The following SUSD1 variants were observed in gnomAD, a reference collection of about 807,000 sequenced individuals.
SUSD1 encodes sushi domain-containing protein 1.
SUSD1 carries 65 observed loss-of-function variants against 86.9 expected under a neutral mutation model. The ratio of observed to expected loss-of-function variants is 0.75; its 90% confidence interval spans 0.61 to 0.92. SUSD1 has a LOEUF of 0.92. Ranked by LOEUF, SUSD1 falls within the 40% of genes least tolerant of loss-of-function variation. The pLI, the probability that SUSD1 is intolerant of heterozygous loss-of-function variation, is 0.00. For synonymous variants in SUSD1, 346 were observed against 350.0 expected, an observed-to-expected ratio of 0.99 and a Z score of 0.13; for missense variants, 850 against 929.7, an observed-to-expected ratio of 0.91 and a Z score of 1.11.
chr9:112,165,832 GAGAA>G (rs1332151451), intron 1 of SUSD1, among the ~76,000 whole-genome samples: 54 of 133,764 alleles, frequency 4.0e-4, no homozygotes, highest in Admixed American at 1.1e-3. Flanking sequence ...AAGAAAGAAA[GAGAA>G]AGAAAGAAAG....
At chr9:112,093,476 C>T (rs1194926650) in intron 10 of SUSD1, among the ~76,000 whole-genome samples, 1 of 152,164 alleles carries the variant, frequency 6.6e-6, no homozygotes, top group Non-Finnish European at 1.5e-5. Flanking sequence ...GGGTCCCTTA[C>T]AGACCCAACT....
intron 8 of SUSD1, among the ~76,000 whole-genome samples, chr9:112,108,187 A>G (rs974511831): frequency 6.6e-6 from 1 of 152,232 alleles, no homozygotes; most frequent in Non-Finnish European, 1.5e-5. Context: ...GGTAAAGAGA[A>G]CACATATTAA....
chr9:112,170,962 C>G (rs530746215), intron 1 of SUSD1, among the ~76,000 whole-genome samples: 2 of 152,268 alleles, frequency 1.3e-5, no homozygotes, highest in African/African-American at 4.8e-5. Flanking sequence ...ATCCACCCAC[C>G]TCGGCTTCCC....
chr9:112,085,853 A>T (rs1829952308), intron 10 of SUSD1, among the ~76,000 whole-genome samples: 1 of 152,212 alleles, frequency 6.6e-6, no homozygotes, highest in South Asian at 2.1e-4. Flanking sequence ...CAGCAAGAAG[A>T]TCAAATAAAA....
chr9:112,051,700 G>A (rs1386324903), intron 15 of SUSD1, among the ~76,000 whole-genome samples: 1 of 151,946 alleles, frequency 6.6e-6, no homozygotes, highest in African/African-American at 2.4e-5. Context: ...CAAAGTGCTG[G>A]GATTACAGTT....
chr9:112,173,648 C>T (rs528848999), intron 1 of SUSD1: 285 of 462,476 alleles, frequency 6.2e-4, no homozygotes, highest in Middle Eastern at 1.6e-3. Context: ...GCCTGAGCCC[C>T]TTGGCAATGC....
chr9:112,120,138 AC>A (rs2131674575), intron 6 of SUSD1, among the ~76,000 whole-genome samples: 1 of 152,308 alleles, frequency 6.6e-6, no homozygotes, highest in South Asian at 2.1e-4. Context: ...ACCCGTCTCT[AC>A]AAAAAACATT....
chr9:112,097,770 C>A (rs550972630), intron 10 of SUSD1, among the ~76,000 whole-genome samples: 1 of 152,192 alleles, frequency 6.6e-6, no homozygotes, highest in African/African-American at 2.4e-5. Context: ...TATCACAGAG[C>A]GGCTTCAGGG....
At chr9:112,054,215 G>C (rs892778183) in intron 14 of SUSD1, among the ~76,000 whole-genome samples, 1 of 152,314 alleles carries the variant, frequency 6.6e-6, no homozygotes, top group African/African-American at 2.4e-5. Flanking sequence ...ACAGCATAGA[G>C]AACCTAGAAA....
intron 3 of SUSD1, among the ~76,000 whole-genome samples, chr9:112,144,322 TAAATATATCCAGTCACTA>T (rs1232845224): frequency 6.2e-4 from 94 of 152,194 alleles, no homozygotes; most frequent in African/African-American, 2.0e-3. Context: ...CCAGTCACTA[TAAATATATCCAGTCACTA>T]AAATATATCC....
chr9:112,062,048 A>T (rs1018125035), intron 13 of SUSD1, among the ~76,000 whole-genome samples: 2 of 152,208 alleles, frequency 1.3e-5, no homozygotes, highest in African/African-American at 2.4e-5. Flanking sequence ...AACTGAGGTA[A>T]ATTAATTCCA....
At chr9:112,077,304 G>T (rs917591928) in intron 12 of SUSD1, among the ~76,000 whole-genome samples, 3 of 151,922 alleles carry the variant, frequency 2.0e-5, no homozygotes, top group African/African-American at 7.3e-5. Flanking sequence ...GGCTGAGCGT[G>T]GGAAGTCCTC....
intron 10 of SUSD1, among the ~76,000 whole-genome samples, chr9:112,092,890 C>T (rs1473174766): frequency 6.6e-6 from 1 of 152,096 alleles, no homozygotes; most frequent in Non-Finnish European, 1.5e-5. Context: ...TCAAAGAAGT[C>T]ATGCTCTCAG....
At chr9:112,098,375 G>C in intron 10 of SUSD1, 95 bp downstream of exon 10, 1 of 1,284,008 alleles carries the variant, frequency 7.8e-7, no homozygotes, top group Non-Finnish European at 1.1e-6. Flanking sequence ...CCTGTCTCTT[G>C]ACTCCCAAAC....
chr9:112,060,267 C>A (rs962566103), intron 13 of SUSD1, among the ~76,000 whole-genome samples: 1 of 151,984 alleles, frequency 6.6e-6, no homozygotes, highest in Admixed American at 6.6e-5. Flanking sequence ...TCTTTCTTTT[C>A]TTTTCTTTTT....
intron 6 of SUSD1, among the ~76,000 whole-genome samples, chr9:112,116,542 T>C (rs1831333439): frequency 1.3e-5 from 2 of 152,244 alleles, no homozygotes; most frequent in South Asian, 4.1e-4. Context: ...CACTACTAAC[T>C]GAATGGCTAT....
intron 12 of SUSD1, among the ~76,000 whole-genome samples, chr9:112,075,658 T>C (rs563940654): frequency 6.6e-6 from 1 of 152,308 alleles, no homozygotes; most frequent in Non-Finnish European, 1.5e-5. Flanking sequence ...GGCAGAAGGA[T>C]TGCTACAGCC....
intron 1 of SUSD1, among the ~76,000 whole-genome samples, chr9:112,170,854 C>T (rs1381602080): frequency 2.6e-5 from 4 of 151,934 alleles, no homozygotes; most frequent in South Asian, 2.1e-4. Flanking sequence ...GGATTACAAG[C>T]GCCCACCACC....
At chr9:112,152,253 T>G (rs1466287608) in intron 2 of SUSD1, among the ~76,000 whole-genome samples, 1 of 151,834 alleles carries the variant, frequency 6.6e-6, no homozygotes, top group Admixed American at 6.6e-5. Flanking sequence ...AACTTTAGCT[T>G]ACTGTAGCTT....
Sources: gnomAD v4.1 joint callset for allele counts (sites outside exome capture counted in the v4.1 genomes callset) on GRCh38, gnomAD v4.1.1 for gene constraint, MANE v1.5 for transcripts, NCBI Gene and HGNC (gene_info 2026-07-23, HGNC 2026-07-21) for gene names.